Variants in CAPN13 observed in about 807,000 individuals in gnomAD.
The protein encoded by CAPN13 is calpain 13.
CAPN13 carries 90 observed loss-of-function variants against 98.4 expected under a neutral mutation model. The ratio of observed to expected loss-of-function variants is 0.92; its 90% CI spans 0.77 to 1.09. CAPN13 has a LOEUF of 1.09. CAPN13 is among the 50% of genes least tolerant of loss of function. CAPN13 has a pLI of 0.00. For missense variants in CAPN13, 887 were observed against 841.3 expected (o/e 1.05, Z -0.67); for synonymous variants, 330 against 305.5 (o/e 1.08, Z -0.84).
At chr2:30,805,374 T>G (rs1410116487) in intron 1 of CAPN13, among the ~76,000 whole-genome samples, 1 of 152,112 alleles carries the variant, frequency 6.6e-6, no homozygotes, top group African/African-American at 2.4e-5. Context: ...CTTCCCCTTT[T>G]TCTCTTCCCA....
intron 15 of CAPN13, among the ~76,000 whole-genome samples, chr2:30,741,033 C>T (rs1292361105): frequency 6.6e-6 from 1 of 152,182 alleles, no homozygotes; most frequent in African/African-American, 2.4e-5. Context: ...AGCTTACAGA[C>T]TGAGGGCAGT....
intron 11 of CAPN13, 128 bp from the exon 12 acceptor site, chr2:30,745,862 G>A (rs1187795799): frequency 2.0e-6 from 1 of 503,806 alleles, no homozygotes; most frequent in South Asian, 2.4e-5. Context: ...CTCTTTTAAA[G>A]AATTTATTTT....
intron 11 of CAPN13, among the ~76,000 whole-genome samples, chr2:30,746,921 G>C (rs112556422): frequency 6.6e-6 from 1 of 152,188 alleles, no homozygotes; most frequent in Non-Finnish European, 1.5e-5. Flanking sequence ...AATGATGATC[G>C]CACTGAAAGG....
chr2:30,734,285 G>T (rs1384260866), intron 19 of CAPN13, among the ~76,000 whole-genome samples, 164 bp downstream of exon 19: 1 of 152,148 alleles, frequency 6.6e-6, no homozygotes, highest in African/African-American at 2.4e-5. Context: ...GTCTGCAACC[G>T]TGGAGGCCCC....
intron 22 of CAPN13, among the ~76,000 whole-genome samples, chr2:30,726,801 G>T (rs13388696): frequency 1.3e-5 from 2 of 151,878 alleles, no homozygotes; most frequent in South Asian, 4.1e-4. Context: ...TTGACCTTTA[G>T]ATTTAATGTA....
rs1401487306 is a variant in CAPN13 at position 30,770,360 on chromosome 2, G to A, written c.477C>T (p.His159=). ...GDKCLFVRPR[H]QNQEFWPCLL... ...GGCAGGGCCAGAACTCTTGGTTTTGGTGGCGAGGACGCACAAAGAGGCATT... is the reference window on the plus strand; with the variant it reads ...GGCAGGGCCAGAACTCTTGGTTTTGATGGCGAGGACGCACAAAGAGGCATT... The change falls in exon 5 of 23, where the codon CAC becomes CAT. Residue 159 remains histidine, a synonymous_variant. Coordinates refer to ENST00000295055, the MANE Select transcript of CAPN13 (RefSeq NM_144575.3). 9 of 1,614,016 alleles carry A rather than the reference G, an allele frequency of 5.6e-6. No homozygotes were observed. The highest frequency in any genetic ancestry group is 7.6e-6 in the Non-Finnish European group (9 of 1,179,890).
At chr2:30,752,758 G>A (rs1558308750) in intron 10 of CAPN13, among the ~76,000 whole-genome samples, 1 of 152,202 alleles carries the variant, frequency 6.6e-6, no homozygotes, top group Non-Finnish European at 1.5e-5. Context: ...GACATTTACT[G>A]GAGGGTGGTG....
At chr2:30,746,996 C>T (rs1457516860) in intron 11 of CAPN13, among the ~76,000 whole-genome samples, 1 of 152,196 alleles carries the variant, frequency 6.6e-6, no homozygotes, top group African/African-American at 2.4e-5. Flanking sequence ...ACATCGGGAG[C>T]TTCCCTGAGA....
chr2:30,787,101 G>GT, intron 2 of CAPN13, 27 bp downstream of exon 2: 1 of 1,514,242 alleles, frequency 6.6e-7, no homozygotes, highest in Non-Finnish European at 8.9e-7. Flanking sequence ...CCCTGGAGCT[G>GT]GGTATGCTCG....
At chr2:30,737,961 A>G in intron 17 of CAPN13, 1 of 419,866 alleles carries the variant, frequency 2.4e-6, no homozygotes, top group Non-Finnish European at 4.2e-6. Flanking sequence ...TTCAAGAATT[A>G]TAAGGACACA....
At chr2:30,758,204 G>T in intron 7 of CAPN13, 67 bp from the exon 8 acceptor site, 1 of 1,218,644 alleles carries the variant, frequency 8.2e-7, no homozygotes, top group Non-Finnish European at 1.1e-6. Context: ...GGGGATGAAT[G>T]CAGCTGCTTT....
chr2:30,780,522 C>A (rs1285121037), intron 2 of CAPN13, among the ~76,000 whole-genome samples: 6 of 152,198 alleles, frequency 3.9e-5, no homozygotes, highest in Non-Finnish European at 7.4e-5. Context: ...CATACAACAA[C>A]TTTTCATGAT....
At chr2:30,793,191 A>G (rs563672288) in intron 1 of CAPN13, among the ~76,000 whole-genome samples, 3 of 151,982 alleles carry the variant, frequency 2.0e-5, no homozygotes, top group African/African-American at 7.2e-5. Flanking sequence ...GATCAGAAAC[A>G]AGAAGGTCCT....
At chr2:30,768,595 C>T (rs1227175971) in intron 5 of CAPN13, among the ~76,000 whole-genome samples, 5 of 152,058 alleles carry the variant, frequency 3.3e-5, no homozygotes, top group African/African-American at 9.7e-5. Flanking sequence ...CCAGGTGTGC[C>T]GCCTTCCCCC....
chr2:30,730,823 C>T (rs1190758562), intron 21 of CAPN13, 37 bp from the exon 22 acceptor site: 1 of 780,634 alleles, frequency 1.3e-6, no homozygotes, highest in Non-Finnish European at 2.4e-6. Context: ...CAATTCTTTA[C>T]ACTTGTTAGC....
At chr2:30,787,011 G>A (rs1412499795) in intron 2 of CAPN13, 117 bp downstream of exon 2, 4 of 757,218 alleles carry the variant, frequency 5.3e-6, no homozygotes, top group East Asian at 5.4e-5. Context: ...AGAGATACCT[G>A]GTGAATTTCA....
rs202194043 is a variant in CAPN13 at position 30,787,252 on chromosome 2, C to T, written c.74G>A (p.Arg25Gln). The T allele has an allele frequency of 4.9e-5, 79 of 1,612,946 alleles. No homozygotes were observed. Among genetic ancestry groups the T allele is most frequent in the African/African-American group, 1.2e-4 (9 of 74,906 alleles). The change falls in exon 2 of 23, where the codon CGG becomes CAG. Residue 25 changes from arginine to glutamine, a missense_variant. Arg to Gln is a conservative substitution (Grantham distance 43). Coordinates refer to ENST00000295055, the MANE Select transcript of CAPN13 (RefSeq NM_144575.3). The stretch of plus-strand genomic sequence containing the variant: ...CCGGCCCATGCTCAGGCAGTGATCC[C>T]GCAAGGTGGTAAAGTCCTGGTCTTT... Reference protein sequence around the residue: ...KFKDQDFTTLRDHCLSMGRTF... With the variant: ...KFKDQDFTTLQDHCLSMGRTF...
chr2:30,755,231 A>C (rs1345501939), intron 8 of CAPN13, among the ~76,000 whole-genome samples: 1 of 151,760 alleles, frequency 6.6e-6, no homozygotes, highest in Non-Finnish European at 1.5e-5. Flanking sequence ...CTTAAAGGGC[A>C]TTGCCTCTGG....
intron 7 of CAPN13, among the ~76,000 whole-genome samples, chr2:30,759,278 G>A (rs1206914966): frequency 6.6e-6 from 1 of 151,556 alleles, no homozygotes; most frequent in Non-Finnish European, 1.5e-5. Context: ...CCCTGTCTGG[G>A]GTAACTCATA....
Sources: allele counts gnomAD v4.1 joint callset (sites outside exome capture counted in the v4.1 genomes callset), GRCh38; gene constraint gnomAD v4.1.1; transcripts MANE v1.5; gene names NCBI Gene and HGNC (gene_info 2026-07-23, HGNC 2026-07-21).